CCDC7: variants seen among roughly 807,000 people sequenced by gnomAD.
CCDC7 encodes the protein coiled-coil domain containing 7, also known as coiled-coil domain-containing protein 7.
Under a neutral mutation model 196.9 loss-of-function variants are expected in CCDC7, and 183 were observed. The ratio of observed to expected loss-of-function variants is 0.93; its 90% CI spans 0.82 to 1.05. The LOEUF is 1.05. Ranked by LOEUF, CCDC7 falls within the 50% of genes least tolerant of loss-of-function variation. The pLI is 0.00. For synonymous variants in CCDC7, 525 were observed against 484.6 expected (o/e 1.08, Z -1.10); for missense variants, 1,540 against 1,482.2 (o/e 1.04, Z -0.64).
chr10:32,647,074 TTA>T (rs1291497087), intron 20 of CCDC7, among the ~76,000 whole-genome samples: 1 of 152,262 alleles, frequency 6.6e-6, no homozygotes, highest in Non-Finnish European at 1.5e-5. Flanking sequence ...GTAGAATGAC[TTA>T]TATTCTTTTC....
chr10:32,474,902 G>T (rs181166121), intron 8 of CCDC7, among the ~76,000 whole-genome samples: 2 of 152,280 alleles, frequency 1.3e-5, no homozygotes, highest in African/African-American at 4.8e-5. Context: ...AGGTTGCTGG[G>T]AATTCTGCCC....
chr10:32,668,381 C>A (rs1177225048), intron 21 of CCDC7, among the ~76,000 whole-genome samples: 1 of 152,102 alleles, frequency 6.6e-6, no homozygotes, highest in Non-Finnish European at 1.5e-5. Context: ...TGCCTGATTG[C>A]CCTGGCCAGA....
chr10:32,471,609 A>C (rs759698657), intron 6 of CCDC7, among the ~76,000 whole-genome samples: 48 of 152,190 alleles, frequency 3.2e-4, no homozygotes, highest in Non-Finnish European at 4.0e-4. Context: ...TAGGAAACTA[A>C]GATCTAATGA....
In CCDC7 at chr10:32,543,614, A is replaced by G. The variant is rs147530659; in HGVS notation, c.1079+229A>G. ...CTGGAAGAGGAGATTGAACCACAAT[A>G]CATTCAGAAATAGGTGAACAGAATT... On this transcript the variant is annotated intron_variant, in intron 12 of 41. Transcript: ENST00000639629. 4.1e-3 allele frequency among the ~76,000 whole-genome samples: 617 copies of G among 152,222 alleles called. 10 individuals carry two copies. Among genetic ancestry groups the G allele is most frequent in the Admixed American group, 0.026 (393 of 15,292 alleles).
At chr10:32,792,560 G>A (rs915086463) in intron 29 of CCDC7, among the ~76,000 whole-genome samples, 1 of 152,162 alleles carries the variant, frequency 6.6e-6, no homozygotes, top group Non-Finnish European at 1.5e-5. Context: ...TAGCACTTTG[G>A]GAGGCTGAGG....
chr10:32,794,195 C>A (rs940678382), intron 29 of CCDC7, among the ~76,000 whole-genome samples: 2 of 152,252 alleles, frequency 1.3e-5, no homozygotes, highest in Admixed American at 1.3e-4. Flanking sequence ...TTTTCTGTCC[C>A]TGCATTGTCT....
chr10:32,516,591 AC>A (rs1322499804), intron 9 of CCDC7, among the ~76,000 whole-genome samples: 1 of 152,150 alleles, frequency 6.6e-6, no homozygotes, highest in Non-Finnish European at 1.5e-5. Context: ...CCTGGCTGTC[AC>A]TAGTTTTAAT....
intron 8 of CCDC7, among the ~76,000 whole-genome samples, chr10:32,485,809 G>C (rs1343336538): frequency 6.6e-6 from 1 of 152,150 alleles, no homozygotes; most frequent in Non-Finnish European, 1.5e-5. Flanking sequence ...GAGCAGTTTT[G>C]AGTGAGTTTC....
chr10:32,864,378 C>CA lies in CCDC7; in HGVS notation c.4111+9897dup, dbSNP rs975808661. 9.3e-5 allele frequency among the ~76,000 whole-genome samples: 14 copies of CA among 150,302 alleles called. 1 individual carries two copies. The highest frequency in any genetic ancestry group is 2.0e-4 in the East Asian group (1 of 5,110). ...TAACAAGAAGGGACAATGCCTTTTT[C>CA]AAAAAAAATTGTAATTATAATTGTC... On this transcript the variant is annotated intron_variant, in intron 41 of 41. Transcript: ENST00000639629.
At chr10:32,446,164 C>G (rs1013169523) in exon 1 of CCDC7, 1 of 152,134 alleles carries the variant, frequency 6.6e-6, no homozygotes, top group Non-Finnish European at 1.5e-5. Flanking sequence ...GCGCCGGCGG[C>G]GGGTGCCCGG....
At chr10:32,678,991 T>G (rs2075446221) in intron 21 of CCDC7, among the ~76,000 whole-genome samples, 1 of 152,184 alleles carries the variant, frequency 6.6e-6, no homozygotes, top group Non-Finnish European at 1.5e-5. Flanking sequence ...TCCCCCTATT[T>G]TAATTTATTT....
intron 40 of CCDC7, among the ~76,000 whole-genome samples, chr10:32,852,339 T>C (rs554807699): frequency 2.6e-5 from 4 of 152,206 alleles, no homozygotes; most frequent in African/African-American, 9.6e-5. Flanking sequence ...TATGTTTAGT[T>C]TTTCCCTTCC....
chr10:32,499,596 T>C (rs991545625), intron 9 of CCDC7, among the ~76,000 whole-genome samples: 1 of 140,844 alleles, frequency 7.1e-6, no homozygotes, highest in African/African-American at 2.5e-5. Flanking sequence ...TCTTTCTTTT[T>C]TATTTTTTTA....
intron 13 of CCDC7, among the ~76,000 whole-genome samples, chr10:32,562,801 C>A (rs1447748020): frequency 6.6e-6 from 1 of 151,988 alleles, no homozygotes; most frequent in African/African-American, 2.4e-5. Flanking sequence ...CTGGCCAGGG[C>A]AATTAGGCAG....
At chr10:32,453,495 T>C in intron 2 of CCDC7, 59 bp downstream of exon 3, 1 of 1,158,264 alleles carries the variant, frequency 8.6e-7, no homozygotes, top group Non-Finnish European at 1.1e-6. Flanking sequence ...GATTTTCTTT[T>C]TAAAAATATA....
chr10:32,564,406 G>A (rs1056040930), intron 13 of CCDC7, among the ~76,000 whole-genome samples: 51 of 152,142 alleles, frequency 3.4e-4, no homozygotes, highest in Non-Finnish European at 6.2e-4. Context: ...CAACCCACAT[G>A]TCCAACAACG....
chr10:32,546,750 A>G (rs189110574), intron 13 of CCDC7, among the ~76,000 whole-genome samples: 5 of 152,244 alleles, frequency 3.3e-5, no homozygotes, highest in Non-Finnish European at 5.9e-5. Context: ...GCATCTGAGC[A>G]TGGCTTAGCT....
chr10:32,599,404 C>A (rs1020420430), intron 18 of CCDC7, among the ~76,000 whole-genome samples: 2 of 151,982 alleles, frequency 1.3e-5, no homozygotes, highest in Non-Finnish European at 2.9e-5. Flanking sequence ...AGGTTTAATC[C>A]ACTTATACTT....
chr10:32,796,764 G>A (rs2083623454), intron 29 of CCDC7, among the ~76,000 whole-genome samples: 1 of 152,064 alleles, frequency 6.6e-6, no homozygotes, highest in Admixed American at 6.6e-5. Flanking sequence ...TAAATAAAAT[G>A]TACAATATAT....
Sources: gnomAD v4.1 joint callset for allele counts (sites outside exome capture counted in the v4.1 genomes callset) on GRCh38, gnomAD v4.1.1 for gene constraint, MANE v1.5 for transcripts, NCBI Gene and HGNC (gene_info 2026-07-23, HGNC 2026-07-21) for gene names.